The following L1TD1 variants were observed in gnomAD, a reference collection of about 807,000 sequenced individuals.
L1TD1 encodes the protein LINE1 type transposase domain containing 1, also known as LINE-1 type transposase domain-containing protein 1.
A neutral mutation model predicts 25.7 loss-of-function variants in L1TD1; 26 were observed. The ratio of observed to expected loss-of-function variants is 1.01; its 90% CI spans 0.74 to 1.40. The LOEUF is 1.40. Ranked by LOEUF, L1TD1 falls within the 40% of genes most tolerant of loss-of-function variation. The pLI, the probability that L1TD1 is intolerant of heterozygous loss-of-function variation, is 0.00. For missense variants in L1TD1, 1,130 were observed against 975.0 expected, an observed-to-expected ratio of 1.16 and a Z score of -2.12; for synonymous variants, 421 against 335.6, an observed-to-expected ratio of 1.25 and a Z score of -2.78.
At position 62,210,893 on chromosome 1, in the gene L1TD1, A is replaced by G; in HGVS notation, c.2119A>G (p.Ile707Val). 6.4e-7 allele frequency: 1 copy of G among 1,551,456 alleles called. No individual in the cohort carries two copies. Among genetic ancestry groups the G allele is most frequent in the Non-Finnish European group, 8.7e-7 (1 of 1,146,938 alleles). ...AAGTTGCAACATTCGTTTGATAGGA[A>G]TTCCAGAAAAGGAGAGTTATGAGAA... ...SRSCNIRLIGIPEKESYENRA... is the reference protein window; with the variant it reads ...SRSCNIRLIGVPEKESYENRA... Residue 707 changes from isoleucine to valine, a missense_variant, in exon 4 of 4, where the codon ATT becomes GTT. Transcript: ENST00000498273.
intron 2 of L1TD1, among the ~76,000 whole-genome samples, chr1:62,197,831 G>GT (rs1670572446): frequency 6.6e-6 from 1 of 152,014 alleles, no homozygotes; most frequent in Non-Finnish European, 1.5e-5. Context: ...AGCTGAGATT[G>GT]TGCCACCTGC....
At chr1:62,199,555 G>A (rs1039989254) in intron 2 of L1TD1, among the ~76,000 whole-genome samples, 7 of 150,904 alleles carry the variant, frequency 4.6e-5, no homozygotes, top group African/African-American at 7.3e-5. Flanking sequence ...AAATCCCACC[G>A]TGCCCGGCTG....
intron 2 of L1TD1, among the ~76,000 whole-genome samples, chr1:62,199,226 A>C (rs1306161383): frequency 6.6e-6 from 1 of 152,204 alleles, no homozygotes; most frequent in East Asian, 1.9e-4. Flanking sequence ...GGCTGGGAGC[A>C]GTGGCTCATG....
intron 2 of L1TD1, among the ~76,000 whole-genome samples, chr1:62,197,400 TATATATATATATATATA>T (rs1557439384): frequency 8.0e-5 from 9 of 111,844 alleles, no homozygotes; most frequent in East Asian, 2.2e-4. Context: ...AAATAAATTA[TATATATATATATATATA>T]TATATATATA....
chr1:62,206,053 T>C (rs1237048653), intron 2 of L1TD1, among the ~76,000 whole-genome samples: 1 of 152,178 alleles, frequency 6.6e-6, no homozygotes, highest in Admixed American at 6.6e-5. Context: ...TTGAATTGAC[T>C]TGATAATTGG....
In L1TD1 at chr1:62,210,689, C is replaced by T. The variant is rs1349176485; in HGVS notation, c.1915C>T (p.His639Tyr). The T allele has an allele frequency of 1.3e-6, 2 of 1,552,696 alleles. No homozygotes were observed. Among genetic ancestry groups the T allele is most frequent in the African/African-American group, 1.4e-5 (1 of 73,052 alleles). The change falls in exon 4 of 4, where the codon CAT becomes TAT. Residue 639 changes from histidine to tyrosine, a missense_variant. His to Tyr is a moderately conservative substitution (Grantham distance 83). Transcript: ENST00000498273. ...KEEIGNLKSS[H>Y]SGVLEIENSV... ...GGAGATTGGAAATTTGAAAAGTTCC[C>T]ATTCAGGTGTCTTGGAAATTGAAAA...
In L1TD1 at chr1:62,207,210, T is replaced by A; in HGVS notation, c.582T>A (p.Phe194Leu). Reference sequence around the variant, plus strand: ...GAAATCGCAATGTCCATTTAGAATTTACAGAAAGAGAGAGTAGGAAGGATG... The same window carrying A: ...GAAATCGCAATGTCCATTTAGAATTAACAGAAAGAGAGAGTAGGAAGGATG... ...RDGNRNVHLEFTERESRKDGE... is the reference protein window; with the variant it reads ...RDGNRNVHLELTERESRKDGE... The change falls in exon 3 of 4, where the codon TTT becomes TTA. Residue 194 changes from phenylalanine to leucine, a missense_variant. By Grantham distance (22) the Phe-to-Leu change is conservative (BLOSUM62 0). Coordinates refer to ENST00000498273, the MANE Select transcript of L1TD1 (RefSeq NM_019079.5). 1 of 1,551,744 alleles carries A rather than the reference T, an allele frequency of 6.4e-7. No homozygotes were observed. Among genetic ancestry groups the A allele is most frequent in the Non-Finnish European group, 8.7e-7 (1 of 1,147,026 alleles).
rs193034717 is a variant in L1TD1, at chr1:62,210,380, G to A, written c.1606G>A (p.Glu536Lys). Residue 536 changes from glutamate (E) to lysine (K), a missense_variant, in exon 4 of 4, where the codon GAG becomes AAG. Physicochemically the swap from Glu to Lys is moderately conservative, Grantham distance 56. Coordinates refer to ENST00000498273, the MANE Select transcript of L1TD1 (RefSeq NM_019079.5). Reference protein sequence around the residue: ...HQVVHKTQEEEETAVPTSQGT... With the variant: ...HQVVHKTQEEKETAVPTSQGT... Reference sequence around the variant, plus strand: ...GGTGGTGCACAAAACCCAGGAGGAAGAGGAAACAGCTGTGCCCACAAGTCA... The same window carrying A: ...GGTGGTGCACAAAACCCAGGAGGAAAAGGAAACAGCTGTGCCCACAAGTCA... 6.2e-6 allele frequency: 10 copies of A among 1,613,982 alleles called. No homozygotes were observed. The African/African-American group carries it at 8.0e-5, about 13-fold the overall frequency.
At chr1:62,209,007 T>G (rs538933712) in intron 3 of L1TD1, among the ~76,000 whole-genome samples, 3 of 152,324 alleles carry the variant, frequency 2.0e-5, no homozygotes, top group Non-Finnish European at 2.9e-5. Context: ...TTGGGAAGGT[T>G]GAAAAGCTCA....
intron 1 of L1TD1, among the ~76,000 whole-genome samples, chr1:62,195,828 C>T (rs1464679866): frequency 6.7e-6 from 1 of 148,172 alleles, no homozygotes; most frequent in South Asian, 2.1e-4. Context: ...ATCACGAGGT[C>T]AGGAGATCGA....
At chr1:62,195,841 C>T (rs368991927) in intron 1 of L1TD1, among the ~76,000 whole-genome samples, 21 of 77,186 alleles carry the variant, frequency 2.7e-4, no homozygotes, top group African/African-American at 1.3e-3. Context: ...GAGATCGAGA[C>T]CATCCTGGCC....
In L1TD1 at chr1:62,210,570, C is replaced by G; in HGVS notation, c.1796C>G (p.Thr599Arg). 1.2e-6 allele frequency: 2 copies of G among 1,613,108 alleles called. No individual in the cohort carries two copies. Among genetic ancestry groups the G allele is most frequent in the Non-Finnish European group, 1.7e-6 (2 of 1,179,710 alleles). ...GAAAAGAAACACAGAACTCTGCACACAGAAGAACTAACATCCAAAGAAGCA... is the reference window on the plus strand; with the variant it reads ...GAAAAGAAACACAGAACTCTGCACAGAGAAGAACTAACATCCAAAGAAGCA... Reference protein sequence around the residue: ...TEEKKHRTLHTEELTSKEADL... With the variant: ...TEEKKHRTLHREELTSKEADL... The change falls in exon 4 of 4, where the codon ACA becomes AGA. Residue 599 changes from threonine to arginine, a missense_variant. Transcript: ENST00000498273.
rs575645162 is a variant in L1TD1 at position 62,198,437 on chromosome 1, GT to G, written c.-111+1911del. On this transcript the variant is annotated intron_variant, in intron 2 of 3. Coordinates refer to ENST00000498273, the MANE Select transcript of L1TD1 (RefSeq NM_019079.5). Reference sequence around the variant, plus strand: ...AGACTGAGGTGAGGGACTAGTAATTGTTCTTATTTAAAAAAAAAAAAAAGAA... The same window carrying G: ...AGACTGAGGTGAGGGACTAGTAATTGTCTTATTTAAAAAAAAAAAAAAGAA... Among the ~76,000 whole-genome samples, 499 of 143,446 alleles carry G rather than the reference GT, an allele frequency of 3.5e-3. 6 individuals are homozygous for G. Among genetic ancestry groups the G allele is most frequent in the African/African-American group, 0.012 (487 of 39,024 alleles). 94.1% of individuals were successfully genotyped at this position (143,446 alleles called of 152,430 possible). A position where few individuals can be genotyped will look rare whatever the true frequency, so the allele number is the denominator to read the frequency against.
At chr1:62,196,876 G>A (rs1028245794) in intron 2 of L1TD1, among the ~76,000 whole-genome samples, 6 of 152,070 alleles carry the variant, frequency 3.9e-5, no homozygotes, top group Non-Finnish European at 7.4e-5. Flanking sequence ...ACAGGCGTGA[G>A]TCACTGCGCC....
At chr1:62,205,443 A>ATATATTTTTTTTTTTTTTTTT (rs1553122597) in intron 2 of L1TD1, among the ~76,000 whole-genome samples, 2 of 63,660 alleles carry the variant, frequency 3.1e-5, no homozygotes, top group African/African-American at 1.1e-4. Context: ...ATATATATAT[A>ATATATTTTTTTTTTTTTTTTT]TTTTTTTTTA....
At position 62,210,142 on chromosome 1, in the gene L1TD1, T is replaced by G; in HGVS notation, c.1368T>G (p.His456Gln). ...GTCATACTTTGGTAGATGCAAAGCA[T>G]GAAGTTGAGATAACCAGTGATGGCA... ...FQGHTLVDAK[H>Q]EVEITSDGME... Residue 456 changes from histidine (H) to glutamine (Q), a missense_variant, in exon 4 of 4, where the codon CAT (histidine) becomes CAG (glutamine). By Grantham distance (24) the His-to-Gln change is conservative. Coordinates refer to ENST00000498273, the MANE Select transcript of L1TD1 (RefSeq NM_019079.5). 6.2e-7 allele frequency: 1 copy of G among 1,613,976 alleles called. No homozygotes were observed. The highest frequency in any genetic ancestry group is 8.5e-7 in the Non-Finnish European group (1 of 1,180,006).
In L1TD1 at chr1:62,206,545, C is replaced by T. The variant is rs1010671644; in HGVS notation, c.-84C>T. On this transcript the variant is annotated 5_prime_UTR_variant, in exon 3 of 4. Coordinates refer to ENST00000498273, the MANE Select transcript of L1TD1 (RefSeq NM_019079.5). ...TTGACGTATTTTAAGATTTTTTTAA[C>T]TTCTGAAGTCTAGCAGGCCTGTAAG... The T allele has an allele frequency of 4.1e-5, 53 of 1,278,604 alleles. No homozygotes were observed. In the East Asian group the frequency reaches 1.3e-3, roughly 30 times the overall value. 79.2% of individuals were successfully genotyped at this position (1,278,604 alleles called of 1,614,324 possible). A position where few individuals can be genotyped will look rare whatever the true frequency, so the allele number is the denominator to read the frequency against.
Position 62,211,360 on chromosome 1 carries a change from T to TAATA in L1TD1, c.2587_2590dup (p.Ile864LysfsTer63), listed in dbSNP as rs1211730442. The TAATA allele has an allele frequency of 6.2e-7, 1 of 1,602,892 alleles. No homozygotes were observed. The highest frequency in any genetic ancestry group is 8.5e-7 in the Non-Finnish European group (1 of 1,175,046). ...CCACCTTGAGAGAATTACTGGGGAA[T>TAATA]AATATACCTTAGCACGCCAGGGTGA... On this transcript the variant is annotated frameshift_variant, in exon 4 of 4. Coordinates refer to ENST00000498273, the MANE Select transcript of L1TD1 (RefSeq NM_019079.5). LOFTEE classifies it high-confidence loss of function.
chr1:62,195,560 C>T (rs1670517936), intron 1 of L1TD1, among the ~76,000 whole-genome samples: 2 of 152,040 alleles, frequency 1.3e-5, no homozygotes, highest in South Asian at 2.1e-4. Context: ...CGAGACCATC[C>T]TGACCAACAT....
Sources: allele counts gnomAD v4.1 joint callset (sites outside exome capture counted in the v4.1 genomes callset), GRCh38; gene constraint gnomAD v4.1.1; transcripts MANE v1.5; gene names NCBI Gene and HGNC (gene_info 2026-07-23, HGNC 2026-07-21).